RAD54B: variants seen among roughly 807,000 people sequenced by gnomAD.
RAD54B encodes DNA repair and recombination protein RAD54B.
Under a neutral mutation model 95.8 loss-of-function variants are expected in RAD54B, and 78 were observed. The observed-to-expected ratio is 0.81, with a 90% CI of 0.68 to 0.98. The LOEUF (loss-of-function observed/expected upper bound fraction) is 0.98. Among genes scored for constraint, RAD54B ranks in the 50% least tolerant of loss-of-function variants. The pLI is 0.00. For synonymous variants in RAD54B, 328 were observed against 354.9 expected (o/e 0.92, Z 0.85); for missense variants, 957 against 1,056.6 (o/e 0.91, Z 1.31).
At chr8:94,458,658 G>C (rs1408704911) in intron 2 of RAD54B, among the ~76,000 whole-genome samples, 1 of 152,136 alleles carries the variant, frequency 6.6e-6, no homozygotes, top group Admixed American at 6.5e-5. Flanking sequence ...CTTGAGGTCA[G>C]GAGTTTGAGA....
chr8:94,431,047 C>T (rs1377058587), intron 3 of RAD54B: 1 of 985,226 alleles, frequency 1.0e-6, no homozygotes, highest in African/African-American at 1.7e-5. Context: ...CATTCTACAA[C>T]TTGGCTTAAA....
rs111865596 is a variant in RAD54B, at chr8:94,420,092, T to C, written c.305-8777A>G. 7.9e-3 allele frequency among the ~76,000 whole-genome samples: 1,198 copies of C among 152,238 alleles called. 12 individuals are homozygous for C. The highest frequency in any genetic ancestry group is 0.027 in the African/African-American group (1,127 of 41,544). ...CACAGCCTAGGTGTGTAGCAGGCTATACCATCTAGGTTTGAGGAAGTACAT... is the reference window on the plus strand; with the variant it reads ...CACAGCCTAGGTGTGTAGCAGGCTACACCATCTAGGTTTGAGGAAGTACAT... On this transcript the variant is annotated intron_variant, in intron 3 of 14. Coordinates refer to ENST00000336148, the MANE Select transcript of RAD54B (RefSeq NM_012415.3).
intron 3 of RAD54B, among the ~76,000 whole-genome samples, chr8:94,418,875 G>A (rs1020130842): frequency 2.6e-5 from 4 of 152,104 alleles, no homozygotes; most frequent in Admixed American, 6.6e-5. Context: ...CTATCATAAA[G>A]CTTCTATGAA....
chr8:94,381,930 G>A (rs1043191795), intron 11 of RAD54B, among the ~76,000 whole-genome samples: 5 of 151,990 alleles, frequency 3.3e-5, no homozygotes, highest in South Asian at 2.1e-4. Flanking sequence ...TGGCTAACAC[G>A]GTGAAACCCC....
rs539524075 is a variant in RAD54B, at chr8:94,414,025, G to A, written c.305-2710C>T. Among the ~76,000 whole-genome samples, 33 of 151,918 alleles carry A rather than the reference G, an allele frequency of 2.2e-4. No individual in the cohort carries two copies. The South Asian group carries it at 6.0e-3, about 28-fold the overall frequency. On this transcript the variant is annotated intron_variant, in intron 3 of 14. Transcript: ENST00000336148. ...TGATTTTTGTACTTTTAGCAGAGACGGGGTTTCACCAGGTTGGCCAGGCTG... is the reference window on the plus strand; with the variant it reads ...TGATTTTTGTACTTTTAGCAGAGACAGGGTTTCACCAGGTTGGCCAGGCTG...
chr8:94,432,680 T>C (rs921812438), intron 3 of RAD54B: 13 of 1,448,666 alleles, frequency 9.0e-6, no homozygotes, highest in Non-Finnish European at 1.1e-5. Context: ...AAAAGCATTA[T>C]AATATGTAAA....
chr8:94,458,446 A>G lies in RAD54B; in HGVS notation c.136-10T>C, dbSNP rs1812826811. The G allele has an allele frequency of 6.5e-7, 1 of 1,533,838 alleles. No homozygotes were observed. Among genetic ancestry groups the G allele is most frequent in the East Asian group, 2.3e-5 (1 of 42,566 alleles). ...TATTAATTGCAACACCCTAAAAGAA[A>G]CAAATATATATTTAAATCAGAACTC... On this transcript the variant is annotated splice_polypyrimidine_tract_variant and intron_variant, in intron 2 of 14. Coordinates refer to ENST00000336148, the MANE Select transcript of RAD54B (RefSeq NM_012415.3).
At chr8:94,384,245 C>T (rs1563636302) in intron 11 of RAD54B, among the ~76,000 whole-genome samples, 1 of 151,966 alleles carries the variant, frequency 6.6e-6, no homozygotes, top group South Asian at 2.1e-4. Context: ...TAGAGACAAC[C>T]CAAGTGTTCA....
At chr8:94,388,885 T>G (rs1810952721) in intron 10 of RAD54B, among the ~76,000 whole-genome samples, 2 of 152,160 alleles carry the variant, frequency 1.3e-5, no homozygotes, top group Admixed American at 6.5e-5. Flanking sequence ...TAGTATACAG[T>G]TTTTCATCTT....
intron 10 of RAD54B, among the ~76,000 whole-genome samples, chr8:94,389,318 C>G (rs575292826): frequency 6.6e-6 from 1 of 152,164 alleles, no homozygotes; most frequent in South Asian, 2.1e-4. Flanking sequence ...CTTGAAAAGG[C>G]TTTTTTAAAA....
At chr8:94,425,013 G>A (rs1339985400) in intron 3 of RAD54B, among the ~76,000 whole-genome samples, 2 of 141,782 alleles carry the variant, frequency 1.4e-5, no homozygotes, top group Non-Finnish European at 3.0e-5. Context: ...AGTGAGCTGT[G>A]ACTGTGCCAC....
chr8:94,439,572 G>A (rs1812347147), intron 3 of RAD54B, among the ~76,000 whole-genome samples: 1 of 152,104 alleles, frequency 6.6e-6, no homozygotes, highest in South Asian at 2.1e-4. Context: ...GTGCCAAGGT[G>A]GGTGGCGTAT....
intron 14 of RAD54B, 94 bp downstream of exon 14, chr8:94,378,086 T>C (rs1368924595): frequency 1.0e-6 from 1 of 957,660 alleles, no homozygotes. Flanking sequence ...ATGCAAATGG[T>C]AAATATTATA....
chr8:94,473,646 AG>A (rs1293550178), intron 1 of RAD54B, among the ~76,000 whole-genome samples: 1 of 152,256 alleles, frequency 6.6e-6, no homozygotes, highest in African/African-American at 2.4e-5. Context: ...TTCAACATAC[AG>A]GACAATGACC....
At chr8:94,413,565 A>G (rs1395201380) in intron 3 of RAD54B, among the ~76,000 whole-genome samples, 2 of 152,206 alleles carry the variant, frequency 1.3e-5, no homozygotes, top group East Asian at 3.8e-4. Context: ...TGAATGATAG[A>G]CCTAAATGTA....
intron 3 of RAD54B, among the ~76,000 whole-genome samples, chr8:94,449,947 G>A (rs1196321086): frequency 6.6e-6 from 1 of 152,180 alleles, no homozygotes. Flanking sequence ...ATTTTTGAAA[G>A]GAGAAAGGAT....
chr8:94,378,560 G>A lies in RAD54B; in HGVS notation c.2314+8C>T, dbSNP rs774365453. The stretch of plus-strand genomic sequence containing the variant: ...GTATACATTTTTGTCACACTGAAGG[G>A]TTGTTACCTGTAGTTAGGAGTCTGT... On this transcript the variant is annotated splice_region_variant and intron_variant, in intron 13 of 14. Coordinates refer to ENST00000336148, the MANE Select transcript of RAD54B (RefSeq NM_012415.3). 1 of 1,596,878 alleles carries A rather than the reference G, an allele frequency of 6.3e-7. No individual in the cohort carries two copies. Among genetic ancestry groups the A allele is most frequent in the South Asian group, 1.1e-5 (1 of 88,154 alleles).
chr8:94,400,544 A>G lies in RAD54B; in HGVS notation c.945-81T>C, dbSNP rs573286624. On this transcript the variant is annotated intron_variant, in intron 6 of 14. Transcript: ENST00000336148. ...TAAAATCATCAAGAACCAGAAACTG[A>G]TATTTTGTAATGACACTGAAGACTT... 5.9e-5 allele frequency: 67 copies of G among 1,144,436 alleles called. No individual in the cohort carries two copies. The African/African-American group carries it at 9.9e-4, about 17-fold the overall frequency. 70.9% of individuals were successfully genotyped at this position (1,144,436 alleles called of 1,614,324 possible).
At chr8:94,452,880 T>C (rs912502855) in intron 3 of RAD54B, among the ~76,000 whole-genome samples, 1 of 152,162 alleles carries the variant, frequency 6.6e-6, no homozygotes, top group African/African-American at 2.4e-5. Context: ...AATAACACTG[T>C]TTAACTTAGA....
Sources: gnomAD v4.1 joint callset for allele counts (sites outside exome capture counted in the v4.1 genomes callset) on GRCh38, gnomAD v4.1.1 for gene constraint, MANE v1.5 for transcripts, NCBI Gene and HGNC (gene_info 2026-07-23, HGNC 2026-07-21) for gene names.